NPAS3: variants seen among roughly 807,000 people sequenced by gnomAD.
NPAS3 encodes the protein neuronal PAS domain protein 3, also known as neuronal PAS domain-containing protein 3.
In NPAS3, 14 loss-of-function variants were observed where a neutral mutation model predicts 73.1. That is an observed-to-expected ratio of 0.19 (90% CI 0.13 to 0.30). The LOEUF (loss-of-function observed/expected upper bound fraction) is 0.30. Among genes scored for constraint, NPAS3 ranks in the 10% least tolerant of loss-of-function variants. The pLI is 1.00. For missense variants in NPAS3, 1,096 were observed against 1,250.0 expected (o/e 0.88, Z 1.86); for synonymous variants, 620 against 541.5 (o/e 1.14, Z -2.01).
At chr14:33,000,672 G>A (rs549621941) in intron 1 of NPAS3, among the ~76,000 whole-genome samples, 1 of 152,256 alleles carries the variant, frequency 6.6e-6, no homozygotes, top group African/African-American at 2.4e-5. Flanking sequence ...TATAAATGGA[G>A]ATACATGATA....
rs115104203 is a variant in NPAS3, at chr14:33,097,145, A to G, written c.140+41151A>G. Among the ~76,000 whole-genome samples the G allele has an allele frequency of 2.8e-3, 433 of 152,242 alleles. 1 individual carries two copies. The highest frequency in any genetic ancestry group is 1.0e-2 in the African/African-American group (415 of 41,536). On this transcript the variant is annotated intron_variant, in intron 2 of 11. Transcript: ENST00000356141. ...GTAATCCCAGCACTTTGAGAGGCCA[A>G]TGCAGGAGGATCGCCTGAGCCCAGG...
intron 1 of NPAS3, among the ~76,000 whole-genome samples, chr14:32,982,792 C>T (rs918855371): frequency 7.9e-5 from 12 of 152,148 alleles, no homozygotes; most frequent in African/African-American, 2.2e-4. Flanking sequence ...AGGTAAAACC[C>T]GTATCACTCA....
chr14:33,705,390 A>G (rs1400622527), intron 6 of NPAS3, among the ~76,000 whole-genome samples: 1 of 152,246 alleles, frequency 6.6e-6, no homozygotes, highest in African/African-American at 2.4e-5. Flanking sequence ...GAGTGTTGAA[A>G]TGAAGATATG....
At chr14:33,481,925 G>C (rs1274735296) in intron 4 of NPAS3, among the ~76,000 whole-genome samples, 1 of 151,782 alleles carries the variant, frequency 6.6e-6, no homozygotes, top group Non-Finnish European at 1.5e-5. Flanking sequence ...AAAAAGGCAA[G>C]AAAAGAAATT....
chr14:33,598,557 T>C (rs1289972416), intron 5 of NPAS3, among the ~76,000 whole-genome samples: 1 of 152,180 alleles, frequency 6.6e-6, no homozygotes, highest in African/African-American at 2.4e-5. Flanking sequence ...TCCAAATTGA[T>C]CTCTATAGAA....
chr14:33,579,588 A>T lies in NPAS3; in HGVS notation c.558+19378A>T, dbSNP rs183390399. ...CCCATTTCATAGACGTGCTATTAGT[A>T]ACGATAGAATTGTCCTCAAATAGTT... On this transcript the variant is annotated intron_variant, in intron 5 of 11. Coordinates refer to ENST00000356141, the Ensembl canonical transcript of NPAS3. Among the ~76,000 whole-genome samples, 971 of 152,326 alleles carry T rather than the reference A, an allele frequency of 6.4e-3. 14 individuals carry two copies. The highest frequency in any genetic ancestry group is 0.022 in the African/African-American group (931 of 41,574).
intron 3 of NPAS3, among the ~76,000 whole-genome samples, chr14:33,309,481 C>G (rs1191351819): frequency 1.3e-5 from 2 of 152,204 alleles, no homozygotes; most frequent in East Asian, 3.9e-4. Flanking sequence ...GGCTGTGCGA[C>G]TCTGCTGCGT....
chr14:33,671,686 C>T (rs545499776), intron 5 of NPAS3, among the ~76,000 whole-genome samples: 22 of 152,268 alleles, frequency 1.4e-4, no homozygotes, highest in East Asian at 1.2e-3. Flanking sequence ...CACTAAGCAA[C>T]GTGAGAGAGT....
intron 2 of NPAS3, among the ~76,000 whole-genome samples, chr14:33,130,704 G>GA (rs1389774008): frequency 6.6e-6 from 1 of 152,086 alleles, no homozygotes; most frequent in African/African-American, 2.4e-5. Flanking sequence ...AGTCAATTTA[G>GA]AAAAAAGTTT....
At chr14:33,505,902 G>A (rs1034125472) in intron 4 of NPAS3, among the ~76,000 whole-genome samples, 1 of 151,880 alleles carries the variant, frequency 6.6e-6, no homozygotes, top group African/African-American at 2.4e-5. Context: ...CACTGACCTT[G>A]TTGGAATATG....
At chr14:33,229,756 C>T (rs905851337) in intron 3 of NPAS3, among the ~76,000 whole-genome samples, 4 of 152,030 alleles carry the variant, frequency 2.6e-5, no homozygotes, top group African/African-American at 9.7e-5. Flanking sequence ...AGACCAACCC[C>T]TAAACAAAAA....
chr14:33,572,688 ACTGAGACAT>A (rs1379569460), intron 5 of NPAS3, among the ~76,000 whole-genome samples: 1 of 152,160 alleles, frequency 6.6e-6, no homozygotes, highest in African/African-American at 2.4e-5. Context: ...GTTAAGAGAA[ACTGAGACAT>A]GGTACAATTA....
At chr14:33,033,485 A>G (rs567973441) in intron 1 of NPAS3, among the ~76,000 whole-genome samples, 3 of 152,136 alleles carry the variant, frequency 2.0e-5, no homozygotes, top group South Asian at 2.1e-4. Flanking sequence ...ACTCAAATAT[A>G]TATATATATT....
chr14:33,018,534 G>C (rs1012504327), intron 1 of NPAS3, among the ~76,000 whole-genome samples: 1 of 152,184 alleles, frequency 6.6e-6, no homozygotes, highest in Non-Finnish European at 1.5e-5. Context: ...TTCTGTGAGA[G>C]ACTGAATCTT....
At chr14:33,461,588 G>A (rs1207555526) in intron 4 of NPAS3, among the ~76,000 whole-genome samples, 1 of 152,180 alleles carries the variant, frequency 6.6e-6, no homozygotes, top group Non-Finnish European at 1.5e-5. Flanking sequence ...TCATGAAGGA[G>A]GTGACATTTG....
chr14:33,386,090 A>G (rs549917586), intron 4 of NPAS3, among the ~76,000 whole-genome samples: 2 of 151,264 alleles, frequency 1.3e-5, no homozygotes, highest in East Asian at 1.9e-4. Context: ...TTTTTGACCA[A>G]TGTAGTAGTG....
rs1000470849 is a variant in NPAS3 at position 33,139,048 on chromosome 14, C to A, written c.141-76134C>A. Among the ~76,000 whole-genome samples, 3 of 152,200 alleles carry A rather than the reference C, an allele frequency of 2.0e-5. 1 individual carries two copies. The highest frequency in any genetic ancestry group is 7.2e-5 in the African/African-American group (3 of 41,454). On this transcript the variant is annotated intron_variant, in intron 2 of 11. Transcript: ENST00000356141. ...TGATAGAGATTTTCTCTTCTCTTGA[C>A]TTCCTATGGGATTATTATGACTTAC...
chr14:33,655,353 T>TTTTTTA (rs2059115836), intron 5 of NPAS3, among the ~76,000 whole-genome samples: 1 of 150,378 alleles, frequency 6.6e-6, no homozygotes, highest in South Asian at 2.1e-4. Flanking sequence ...TTTTTTTTTT[T>TTTTTTA]TTAACAGCAA....
At position 33,361,157 on chromosome 14, in the gene NPAS3, C is replaced by T. The variant is rs576246983; in HGVS notation, c.386-6029C>T. On this transcript the variant is annotated intron_variant, in intron 3 of 11. Transcript: ENST00000356141. ...TATCTGCCTAGGGATTCTCATTTCC[C>T]TCAATGGAAAAGAAAGGTGGGTAGG... 3.9e-5 allele frequency among the ~76,000 whole-genome samples: 6 copies of T among 152,232 alleles called. No individual in the cohort carries two copies. In the East Asian group the frequency reaches 7.7e-4, roughly 20 times the overall value.
Sources: allele counts gnomAD v4.1 joint callset (sites outside exome capture counted in the v4.1 genomes callset), GRCh38; gene constraint gnomAD v4.1.1; transcripts MANE v1.5; gene names NCBI Gene and HGNC (gene_info 2026-07-23, HGNC 2026-07-21).